TMEM132D: variants seen among roughly 807,000 people sequenced by gnomAD.
The protein encoded by TMEM132D is mature OL transmembrane protein.
TMEM132D carries 21 observed loss-of-function variants against 62.3 expected under a neutral mutation model. The ratio of observed to expected loss-of-function variants is 0.34; its 90% CI spans 0.24 to 0.49. The LOEUF (loss-of-function observed/expected upper bound fraction) is 0.49, where lower values mean the gene tolerates loss of function less well. Among genes scored for constraint, TMEM132D ranks in the 20% least tolerant of loss-of-function variants. TMEM132D has a pLI of 0.99. For missense variants in TMEM132D, 1,346 were observed against 1,402.8 expected (o/e 0.96, Z 0.65); for synonymous variants, 621 against 575.6 (o/e 1.08, Z -1.13).
intron 4 of TMEM132D, among the ~76,000 whole-genome samples, chr12:129,223,766 G>A (rs1329737943): frequency 6.6e-6 from 1 of 152,152 alleles, no homozygotes; most frequent in African/African-American, 2.4e-5. Flanking sequence ...ATACTCTCAA[G>A]GATGATAACG....
At position 129,078,481 on chromosome 12, in the gene TMEM132D, G is replaced by C. The variant is rs1468765696; in HGVS notation, c.2115+53C>G. 3 of 1,567,024 alleles carry C rather than the reference G, an allele frequency of 1.9e-6. No homozygotes were observed. The African/African-American group carries it at 4.0e-5, about 21-fold the overall frequency. On this transcript the variant is annotated intron_variant, in intron 8 of 8. Coordinates refer to ENST00000422113, the MANE Select transcript of TMEM132D (RefSeq NM_133448.3). ...CTGGCGTGGTGCCTGCCTGGTGTGT[G>C]ATCCACTTGGTGAGGGACCCTGCTG...
chr12:129,532,938 C>T (rs896929869), intron 2 of TMEM132D, among the ~76,000 whole-genome samples: 17 of 152,152 alleles, frequency 1.1e-4, no homozygotes, highest in African/African-American at 1.4e-4. Flanking sequence ...TTTCCCTCTG[C>T]GGACCATGCT....
At chr12:129,213,743 C>T (rs1328122117) in intron 4 of TMEM132D, among the ~76,000 whole-genome samples, 3 of 152,084 alleles carry the variant, frequency 2.0e-5, no homozygotes, top group Non-Finnish European at 4.4e-5. Flanking sequence ...CACTGCCCCA[C>T]GCCCACTGCC....
intron 4 of TMEM132D, among the ~76,000 whole-genome samples, chr12:129,334,045 T>TG (rs1311357098): frequency 6.6e-6 from 1 of 151,964 alleles, no homozygotes; most frequent in Non-Finnish European, 1.5e-5. Flanking sequence ...CGCTTGAACC[T>TG]GGGGGGCAGA....
chr12:129,279,335 G>C (rs1042795209), intron 4 of TMEM132D, among the ~76,000 whole-genome samples: 2 of 152,146 alleles, frequency 1.3e-5, no homozygotes, highest in African/African-American at 2.4e-5. Flanking sequence ...GGACCTTGGC[G>C]AAATACTAAA....
chr12:129,662,076 T>C (rs1347347031), intron 2 of TMEM132D, among the ~76,000 whole-genome samples: 1 of 152,242 alleles, frequency 6.6e-6, no homozygotes, highest in African/African-American at 2.4e-5. Flanking sequence ...TAAGCTATAC[T>C]AGCAGGGCAC....
intron 1 of TMEM132D, among the ~76,000 whole-genome samples, chr12:129,758,326 C>T (rs1402643650): frequency 6.6e-6 from 1 of 152,184 alleles, no homozygotes; most frequent in African/African-American, 2.4e-5. Flanking sequence ...ATAATTCCTA[C>T]TTATTCTTTA....
At chr12:129,631,166 G>A (rs1593097157) in intron 2 of TMEM132D, among the ~76,000 whole-genome samples, 1 of 152,274 alleles carries the variant, frequency 6.6e-6, no homozygotes, top group East Asian at 1.9e-4. Flanking sequence ...CTGAGGAGGA[G>A]GTACAAAAGC....
chr12:129,625,931 C>A (rs373068551), intron 2 of TMEM132D, among the ~76,000 whole-genome samples: 2 of 152,118 alleles, frequency 1.3e-5, no homozygotes, highest in Non-Finnish European at 2.9e-5. Context: ...AACAACGTCA[C>A]GTGTATGACT....
At chr12:129,330,597 G>T (rs1336071652) in intron 4 of TMEM132D, among the ~76,000 whole-genome samples, 2 of 152,174 alleles carry the variant, frequency 1.3e-5, no homozygotes, top group Non-Finnish European at 2.9e-5. Context: ...TGGTGGCATT[G>T]TAAGAGGAGG....
At chr12:129,880,156 G>A (rs1005887732) in intron 1 of TMEM132D, among the ~76,000 whole-genome samples, 1 of 151,990 alleles carries the variant, frequency 6.6e-6, no homozygotes, top group Non-Finnish European at 1.5e-5. Context: ...ACAAAGAAAA[G>A]AATTTCAGCA....
chr12:129,425,701 G>C (rs1872476682), intron 3 of TMEM132D, among the ~76,000 whole-genome samples: 1 of 152,128 alleles, frequency 6.6e-6, no homozygotes, highest in Non-Finnish European at 1.5e-5. Context: ...AGAGGATGTG[G>C]TATTTGCAGC....
At chr12:129,132,384 T>G (rs1239831418) in intron 5 of TMEM132D, among the ~76,000 whole-genome samples, 1 of 152,172 alleles carries the variant, frequency 6.6e-6, no homozygotes, top group Non-Finnish European at 1.5e-5. Flanking sequence ...AATTTCTATT[T>G]CAAAGACAAA....
chr12:129,529,191 T>G (rs946761272), intron 3 of TMEM132D, among the ~76,000 whole-genome samples: 1 of 152,156 alleles, frequency 6.6e-6, no homozygotes, highest in African/African-American at 2.4e-5. Context: ...AAAACTGGCA[T>G]CAGAATGTAC....
At chr12:129,706,782 T>C (rs1294814036) in intron 1 of TMEM132D, among the ~76,000 whole-genome samples, 2 of 151,898 alleles carry the variant, frequency 1.3e-5, no homozygotes, top group African/African-American at 2.4e-5. Flanking sequence ...GAGAATATAA[T>C]TTCATAAAAA....
chr12:129,598,443 C>A (rs1163131047), intron 2 of TMEM132D, among the ~76,000 whole-genome samples: 1 of 152,194 alleles, frequency 6.6e-6, no homozygotes, highest in Non-Finnish European at 1.5e-5. Context: ...TTCCTTCATC[C>A]TCTGGAGCAC....
At chr12:129,219,268 G>A (rs996088665) in intron 4 of TMEM132D, among the ~76,000 whole-genome samples, 6 of 152,250 alleles carry the variant, frequency 3.9e-5, no homozygotes, top group African/African-American at 1.4e-4. Context: ...AGATCTGATG[G>A]TTTTATAAAT....
intron 5 of TMEM132D, among the ~76,000 whole-genome samples, chr12:129,118,418 C>T (rs1052141160): frequency 6.6e-6 from 1 of 152,208 alleles, no homozygotes; most frequent in South Asian, 2.1e-4. Context: ...CAGGATGCAT[C>T]CCTCGTCAGC....
At chr12:129,782,996 G>C (rs770774071) in intron 1 of TMEM132D, among the ~76,000 whole-genome samples, 1 of 152,206 alleles carries the variant, frequency 6.6e-6, no homozygotes, top group African/African-American at 2.4e-5. Flanking sequence ...TCTTGTTTGT[G>C]TCTGTTATTT....
Sources: gnomAD v4.1 joint callset for allele counts (sites outside exome capture counted in the v4.1 genomes callset) on GRCh38, gnomAD v4.1.1 for gene constraint, MANE v1.5 for transcripts, NCBI Gene and HGNC (gene_info 2026-07-23, HGNC 2026-07-21) for gene names.